AGER: variants seen among roughly 807,000 people sequenced by gnomAD.
AGER encodes the protein advanced glycosylation end-product specific receptor.
AGER carries 46 observed loss-of-function variants against 48.8 expected under a neutral mutation model. The ratio of observed to expected loss-of-function variants is 0.94; its 90% CI spans 0.74 to 1.20. The LOEUF is 1.20. Ranked by LOEUF, AGER falls within the 50% of genes most tolerant of loss-of-function variation. The pLI, the probability that AGER is intolerant of heterozygous loss-of-function variation, is 0.00. For missense variants in AGER, 489 were observed against 515.0 expected, an observed-to-expected ratio of 0.95 and a Z score of 0.49; for synonymous variants, 170 against 199.9, an observed-to-expected ratio of 0.85 and a Z score of 1.26.
Position 32,182,255 on chromosome 6 carries a change from C to A in AGER, c.956G>T (p.Ser319Ile), listed in dbSNP as rs1332885836. Reference sequence around the variant, plus strand: ...TTGGGGAGAGGTCTCACCGATGATGCTGATGCTGACAGCACGGCTTTCCTG... The same window carrying A: ...TTGGGGAGAGGTCTCACCGATGATGATGATGCTGACAGCACGGCTTTCCTG... ...GPQESRAVSI[S>I]IIEPGEEGPT... The change falls in exon 8 of 11, where the codon AGC (serine) becomes ATC (isoleucine). Residue 319 changes from serine (S) to isoleucine (I), a missense_variant. By Grantham distance (142) the Ser-to-Ile change is moderately radical (BLOSUM62 -2). Coordinates refer to ENST00000375076, the MANE Select transcript of AGER (RefSeq NM_001136.5). This position sits in a 1 kb window ranked among gnomAD's most constrained non-coding sequence, Gnocchi z 5.1. The A allele has an allele frequency of 6.2e-6, 10 of 1,612,724 alleles. No individual in the cohort carries two copies. The South Asian group carries it at 9.9e-5, about 16-fold the overall frequency.
At position 32,182,943 on chromosome 6, in the gene AGER, C is replaced by G. The variant is rs1450290619; in HGVS notation, c.589G>C (p.Ala197Pro). 6.2e-7 allele frequency: 1 copy of G among 1,612,580 alleles called. No homozygotes were observed. The change falls in exon 6 of 11, where the codon GCC becomes CCC. Residue 197 changes from alanine (A) to proline (P), a missense_variant. Physicochemically the swap from Ala to Pro is conservative, Grantham distance 27 (BLOSUM62 -1). Coordinates refer to ENST00000375076, the MANE Select transcript of AGER (RefSeq NM_001136.5). The surrounding 1 kb of genome is among the most constrained non-coding windows in gnomAD (Gnocchi z 5.1). ...TLQSELMVTP[A>P]RGGDPRPTFS... ...GTGGGACGGGGATCTCCTCCCCGGG[C>G]TGGGGTCACCATTAGCTCCGACTGC...
At position 32,181,098 on chromosome 6, in the gene AGER, G is replaced by C. The variant is rs779413134; in HGVS notation, c.*45C>G. 1.3e-6 allele frequency: 2 copies of C among 1,599,748 alleles called. No homozygotes were observed. Among genetic ancestry groups the C allele is most frequent in the South Asian group, 1.1e-5 (1 of 90,800 alleles). The stretch of plus-strand genomic sequence containing the variant: ...GGTCTGAGGCCAGAACAGTTCAAGG[G>C]AAAAAGAAAAGGGAGCTGATGGATG... On this transcript the variant is annotated 3_prime_UTR_variant, in exon 11 of 11. Transcript: ENST00000375076. This position sits in a 1 kb window ranked among gnomAD's most constrained non-coding sequence, Gnocchi z 4.1.
In AGER at chr6:32,181,563, T is replaced by TG; in HGVS notation, c.991+42dup. 1.9e-6 allele frequency: 3 copies of TG among 1,613,132 alleles called. No homozygotes were observed. In the South Asian group the frequency reaches 3.3e-5, roughly 18 times the overall value. ...TGACCATCCCCCCAGTCACATGTGT[T>TG]GGGGGCTATCTTCTGCTTCCCTGAC... On this transcript the variant is annotated intron_variant, in intron 9 of 10. Transcript: ENST00000375076. The surrounding 1 kb of genome is among the most constrained non-coding windows in gnomAD (Gnocchi z 4.1).
chr6:32,184,172 CCA>C lies in AGER; in HGVS notation c.49_50del (p.Trp17GlyfsTer22). On this transcript the variant is annotated frameshift_variant and splice_region_variant, in exon 1 of 11. Coordinates refer to ENST00000375076, the MANE Select transcript of AGER (RefSeq NM_001136.5). LOFTEE classifies it high-confidence loss of function. Reference protein sequence around the residue: ...VGAWVLVLSLWGAVVGAQNIT... With the variant: ...VGAWVLVLSLXGAVVGAQNIT... ...AGTGGGGTTGAGGGAGTGGCTCACC[CCA>C]CAGACTGAGGACCAGCACCCAGGCT... 6.2e-7 allele frequency: 1 copy of C among 1,611,520 alleles called. No homozygotes were observed. Among genetic ancestry groups the C allele is most frequent in the Non-Finnish European group, 8.5e-7 (1 of 1,179,154 alleles).
Position 32,183,600 on chromosome 6 carries a change from T to A in AGER, c.310A>T (p.Arg104Trp), listed in dbSNP as rs1786658081. 6.2e-7 allele frequency: 1 copy of A among 1,612,956 alleles called. No individual in the cohort carries two copies. The highest frequency in any genetic ancestry group is 1.3e-5 in the African/African-American group (1 of 74,924). The change falls in exon 3 of 11, where the codon AGG becomes TGG. Residue 104 changes from arginine (R) to tryptophan (W), a missense_variant. Arg to Trp is a moderately radical substitution (Grantham distance 101). Coordinates refer to ENST00000375076, the MANE Select transcript of AGER (RefSeq NM_001136.5). ...EGIFRCQAMN[R>W]NGKETKSNYR... is the part of the protein sequence containing the mutation. The stretch of plus-strand genomic sequence containing the variant: ...TTGGACTTGGTCTCCTTTCCATTCC[T>A]GTTCATTGCCTGGCACCGGAAAATC...
rs771072935 is a variant in AGER at position 32,183,958 on chromosome 6, C to A, written c.82G>T (p.Ala28Ser). ...AGCACCAGTGGCTCGCCAATCCGGG[C>A]TGTGATGTTTTGAGCACCTACTACT... ...GAVVGAQNIT[A>S]RIGEPLVLKC... is the part of the protein sequence containing the mutation. Residue 28 changes from alanine (A) to serine (S), a missense_variant, in exon 2 of 11, where the codon GCC (alanine) becomes TCC (serine). Ala to Ser is a moderately conservative substitution (Grantham distance 99, BLOSUM62 1). Coordinates refer to ENST00000375076, the MANE Select transcript of AGER (RefSeq NM_001136.5). The A allele has an allele frequency of 1.2e-6, 2 of 1,612,894 alleles. No individual in the cohort carries two copies. Among genetic ancestry groups the A allele is most frequent in the African/African-American group, 2.7e-5 (2 of 74,900 alleles).
chr6:32,182,434 T>G lies in AGER; in HGVS notation c.823-46A>C, dbSNP rs1786394262. On this transcript the variant is annotated intron_variant, in intron 7 of 10. Coordinates refer to ENST00000375076, the MANE Select transcript of AGER (RefSeq NM_001136.5). The surrounding 1 kb of genome is among the most constrained non-coding windows in gnomAD (Gnocchi z 5.1). ...GAGACTATTTCAAAACCCTTGTCTT[T>G]TTGTCTCCATATCTTCAGATACCCT... is the stretch of plus-strand genomic sequence containing the variant. 6.3e-7 allele frequency: 1 copy of G among 1,593,062 alleles called. No homozygotes were observed.
chr6:32,181,301 C>G lies in AGER; in HGVS notation c.1118+50G>C, dbSNP rs1457175224. 1 of 1,613,654 alleles carries G rather than the reference C, an allele frequency of 6.2e-7. No individual in the cohort carries two copies. The highest frequency in any genetic ancestry group is 8.5e-7 in the Non-Finnish European group (1 of 1,180,014). ...CGTTCCACCCCCCGACCCCTCTTCG[C>G]TTGCTGCCTGGAAGCCCTAGGTCTG... On this transcript the variant is annotated intron_variant, in intron 10 of 10. Transcript: ENST00000375076. The surrounding 1 kb of genome is among the most constrained non-coding windows in gnomAD (Gnocchi z 4.1).
rs370878984 is a variant in AGER at position 32,183,755 on chromosome 6, A to G, written c.160-5T>C. On this transcript the variant is annotated splice_region_variant and splice_polypyrimidine_tract_variant and intron_variant, in intron 2 of 10. Coordinates refer to ENST00000375076, the MANE Select transcript of AGER (RefSeq NM_001136.5). ...AGCTTCTGTCCGGCCTGTGTTCTAGAAGCAGAGAAGCAGGGCCTAAACAGT... is the reference window on the plus strand; with the variant it reads ...AGCTTCTGTCCGGCCTGTGTTCTAGGAGCAGAGAAGCAGGGCCTAAACAGT... 6.2e-7 allele frequency: 1 copy of G among 1,612,544 alleles called. No homozygotes were observed. The highest frequency in any genetic ancestry group is 1.3e-5 in the African/African-American group (1 of 74,860).
In AGER at chr6:32,181,545, C is replaced by T. The variant is rs749432309; in HGVS notation, c.991+61G>A. On this transcript the variant is annotated intron_variant, in intron 9 of 10. Transcript: ENST00000375076. The surrounding 1 kb of genome is among the most constrained non-coding windows in gnomAD (Gnocchi z 4.1). Reference sequence around the variant, plus strand: ...TCACCATTCCTTTCTTGTTGACCATCCCCCCAGTCACATGTGTTGGGGGCT... The same window carrying T: ...TCACCATTCCTTTCTTGTTGACCATTCCCCCAGTCACATGTGTTGGGGGCT... 1 of 1,613,072 alleles carries T rather than the reference C, an allele frequency of 6.2e-7. No individual in the cohort carries two copies. The highest frequency in any genetic ancestry group is 1.7e-5 in the Admixed American group (1 of 60,014).
In AGER at chr6:32,181,694, G is replaced by A. The variant is rs114564020; in HGVS notation, c.965-62C>T. 17,615 of 1,532,632 alleles carry A rather than the reference G, an allele frequency of 0.011. 289 individuals are homozygous for A. The highest frequency in any genetic ancestry group is 0.035 in the Admixed American group (1,952 of 55,278). 94.9% of individuals were successfully genotyped at this position (1,532,632 alleles called of 1,614,324 possible). A position where few individuals can be genotyped will look rare whatever the true frequency, so the allele number is the denominator to read the frequency against. On this transcript the variant is annotated intron_variant, in intron 8 of 10. Transcript: ENST00000375076. This position sits in a 1 kb window ranked among gnomAD's most constrained non-coding sequence, Gnocchi z 4.1. Reference sequence around the variant, plus strand: ...CTTCGGGTTGAGAGAGGGTTATTTAGTGGGAGCCCCAGTGGAGTCTTTCCC... The same window carrying A: ...CTTCGGGTTGAGAGAGGGTTATTTAATGGGAGCCCCAGTGGAGTCTTTCCC...
chr6:32,181,068 G>T lies in AGER; in HGVS notation c.*75C>A, dbSNP rs1344740169. ...TACAGGAGAGAGATTATACAGGAGAGAGTTGGTCTGAGGCCAGAACAGTTC... is the reference window on the plus strand; with the variant it reads ...TACAGGAGAGAGATTATACAGGAGATAGTTGGTCTGAGGCCAGAACAGTTC... On this transcript the variant is annotated 3_prime_UTR_variant, in exon 11 of 11. Transcript: ENST00000375076. The surrounding 1 kb of genome is among the most constrained non-coding windows in gnomAD (Gnocchi z 4.1). 2.1e-6 allele frequency: 3 copies of T among 1,449,228 alleles called. No individual in the cohort carries two copies. Among genetic ancestry groups the T allele is most frequent in the Non-Finnish European group, 2.9e-6 (3 of 1,033,122 alleles). The allele number at this position is 1,449,228 out of a possible 1,614,324, so 89.8% of individuals were successfully genotyped here.
rs1316165489 is a variant in AGER, at chr6:32,183,114, C to T, written c.508G>A (p.Gly170Arg). The change falls in exon 5 of 11, where the codon GGA becomes AGA. Residue 170 changes from glycine (G) to arginine (R), a missense_variant and splice_region_variant. Coordinates refer to ENST00000375076, the MANE Select transcript of AGER (RefSeq NM_001136.5). ...DGKPLVPNEK[G>R]VSVKEQTRRH... Reference sequence around the variant, plus strand: ...GCTTGGGGGGCACCTTAGGACTCACCCTTCTCATTAGGCACCAGGGGCTTC... The same window carrying T: ...GCTTGGGGGGCACCTTAGGACTCACTCTTCTCATTAGGCACCAGGGGCTTC... The T allele has an allele frequency of 6.2e-7, 1 of 1,613,038 alleles. No individual in the cohort carries two copies. Among genetic ancestry groups the T allele is most frequent in the Admixed American group, 1.7e-5 (1 of 60,032 alleles).
Position 32,181,534 on chromosome 6 carries a change from T to C in AGER, c.992-57A>G. On this transcript the variant is annotated intron_variant, in intron 9 of 10. Transcript: ENST00000375076. The surrounding 1 kb of genome is among the most constrained non-coding windows in gnomAD (Gnocchi z 4.1). Reference sequence around the variant, plus strand: ...GCCACCACCACTCACCATTCCTTTCTTGTTGACCATCCCCCCAGTCACATG... The same window carrying C: ...GCCACCACCACTCACCATTCCTTTCCTGTTGACCATCCCCCCAGTCACATG... 1.2e-6 allele frequency: 2 copies of C among 1,613,120 alleles called. No individual in the cohort carries two copies. The highest frequency in any genetic ancestry group is 1.1e-5 in the South Asian group (1 of 91,088).
At position 32,183,757 on chromosome 6, in the gene AGER, G is replaced by C; in HGVS notation, c.160-7C>G. The C allele has an allele frequency of 6.2e-7, 1 of 1,612,680 alleles. No individual in the cohort carries two copies. The highest frequency in any genetic ancestry group is 8.5e-7 in the Non-Finnish European group (1 of 1,179,800). ...CTTCTGTCCGGCCTGTGTTCTAGAA[G>C]CAGAGAAGCAGGGCCTAAACAGTGC... is the stretch of plus-strand genomic sequence containing the variant. On this transcript the variant is annotated splice_region_variant and splice_polypyrimidine_tract_variant and intron_variant, in intron 2 of 10. Coordinates refer to ENST00000375076, the MANE Select transcript of AGER (RefSeq NM_001136.5).
intron 3 of AGER, 29 bp downstream of exon 3, chr6:32,183,526 G>T: frequency 6.2e-7 from 1 of 1,612,882 alleles, no homozygotes; most frequent in Non-Finnish European, 8.5e-7. Context: ...GTAAGAGGGA[G>T]GCCTTGGAGA....
intron 3 of AGER, 75 bp from the exon 4 acceptor site, chr6:32,183,463 T>A: frequency 6.2e-7 from 1 of 1,606,412 alleles, no homozygotes; most frequent in Non-Finnish European, 8.5e-7. Context: ...ATGAGGCCAG[T>A]GGAAGTCAGA....
In AGER at chr6:32,182,106, C is replaced by G. The variant is rs204996; in HGVS notation, c.964+141G>C. On this transcript the variant is annotated intron_variant, in intron 8 of 10. Coordinates refer to ENST00000375076, the MANE Select transcript of AGER (RefSeq NM_001136.5). The surrounding 1 kb of genome is among the most constrained non-coding windows in gnomAD (Gnocchi z 5.1). The stretch of plus-strand genomic sequence containing the variant: ...CTCTCTTGGCAGAATTTGGGTGGGG[C>G]AGGGGAGGCTTGGGTGTGGGTGCAT... 1 of 1,199,310 alleles carries G rather than the reference C, an allele frequency of 8.3e-7. No homozygotes were observed. The highest frequency in any genetic ancestry group is 1.2e-6 in the Non-Finnish European group (1 of 829,388). The allele number at this position is 1,199,310 out of a possible 1,614,324, so 74.3% of individuals were successfully genotyped here.
chr6:32,183,691 G>A lies in AGER; in HGVS notation c.219C>T (p.Asp73=). The change falls in exon 3 of 11, where the codon GAC becomes GAT. Residue 73 remains aspartate, a synonymous_variant. Transcript: ENST00000375076. ...VLSPQGGGPW[D]SVARVLPNGS... is the part of the protein sequence containing the mutation. The stretch of plus-strand genomic sequence containing the variant: ...CGTTGGGAAGGACACGAGCCACACT[G>A]TCCCAGGGGCCTCCTCCCTGGGGAG... 6.2e-7 allele frequency: 1 copy of A among 1,613,102 alleles called. No homozygotes were observed. Among genetic ancestry groups the A allele is most frequent in the Non-Finnish European group, 8.5e-7 (1 of 1,180,036 alleles).
Sources: gnomAD v4.1 joint callset for allele counts on GRCh38, gnomAD v4.1.1 for gene constraint, Gnocchi (gnomAD v3.1) non-coding constraint, MANE v1.5 for transcripts, NCBI Gene and HGNC (gene_info 2026-07-23, HGNC 2026-07-21) for gene names.